PGA5: variants seen among roughly 807,000 people sequenced by gnomAD.
PGA5 encodes the protein pepsinogen A5.
Under a neutral mutation model 15.9 loss-of-function variants are expected in PGA5, and 19 were observed. The ratio of observed to expected loss-of-function variants is 1.19; its 90% CI spans 0.83 to 1.75. The LOEUF is 1.75. PGA5 is among the 40% of genes most tolerant of loss of function. PGA5 has a pLI of 0.00. For missense variants in PGA5, 224 were observed against 246.4 expected, an observed-to-expected ratio of 0.91 and a Z score of 0.61; for synonymous variants, 92 against 95.8, an observed-to-expected ratio of 0.96 and a Z score of 0.23.
At chr11:61,250,136 T>C in intron 8 of PGA5, 122 bp downstream of exon 8, 1 of 1,057,408 alleles carries the variant, frequency 9.5e-7, no homozygotes, top group Non-Finnish European at 1.4e-6. Flanking sequence ...CAGACGAACA[T>C]CTGCCCTAGA....
intron 5 of PGA5, among the ~76,000 whole-genome samples, chr11:61,246,789 AT>A (rs1854070772): frequency 2.6e-5 from 4 of 151,492 alleles, no homozygotes; most frequent in Non-Finnish European, 4.4e-5. Context: ...AAATAAATAA[AT>A]AAATAAATAA....
intron 5 of PGA5, among the ~76,000 whole-genome samples, chr11:61,247,225 G>T (rs779674246): frequency 6.6e-6 from 1 of 151,704 alleles, no homozygotes; most frequent in Non-Finnish European, 1.5e-5. Flanking sequence ...AAGGTGGGGT[G>T]GGTTCAGTGA....
rs1211675538 is a variant in PGA5, at chr11:61,249,737, C to T, written c.842C>T (p.Ser281Phe). The stretch of plus-strand genomic sequence containing the variant: ...CAGGCCATTGTTGACACCGGCACCT[C>T]TCTGCTGACCGGCCCAACCAGCCCC... ...GCQAIVDTGT[S>F]LLTGPTSPIA... Residue 281 changes from serine (S) to phenylalanine (F), a missense_variant, in exon 7 of 9, where the codon TCT (serine) becomes TTT (phenylalanine). Ser to Phe is a radical substitution (Grantham distance 155). Coordinates refer to ENST00000312403, the MANE Select transcript of PGA5 (RefSeq NM_014224.5). 1.2e-6 allele frequency: 2 copies of T among 1,613,518 alleles called. No individual in the cohort carries two copies. The highest frequency in any genetic ancestry group is 2.2e-5 in the East Asian group (1 of 44,886).
chr11:61,250,241 G>C (rs1198477672), intron 8 of PGA5, among the ~76,000 whole-genome samples: 1 of 151,276 alleles, frequency 6.6e-6, no homozygotes, highest in Non-Finnish European at 1.5e-5. Flanking sequence ...AAGGTTAATG[G>C]AGTGAAAAGA....
chr11:61,249,804 A>C lies in PGA5; in HGVS notation c.909A>C (p.Ser303=). 1 of 1,613,674 alleles carries C rather than the reference A, an allele frequency of 6.2e-7. No individual in the cohort carries two copies. Among genetic ancestry groups the C allele is most frequent in the East Asian group, 2.2e-5 (1 of 44,886 alleles). Residue 303 remains serine, a synonymous_variant, in exon 7 of 9, where the codon TCA becomes TCC. Coordinates refer to ENST00000312403, the MANE Select transcript of PGA5 (RefSeq NM_014224.5). The stretch of plus-strand genomic sequence containing the variant: ...GCGACATCGGAGCCAGCGAGAACTC[A>C]GATGGCGACGTGAGTCCAGCCCCGA... The part of the protein sequence containing the change: ...IQSDIGASEN[S]DGDMVVSCSA...
In PGA5 at chr11:61,249,034, C is replaced by T. The variant is rs138823486; in HGVS notation, c.773+499C>T. Among the ~76,000 whole-genome samples the T allele has an allele frequency of 3.5e-3, 540 of 152,224 alleles. 2 individuals carry two copies. The highest frequency in any genetic ancestry group is 4.4e-3 in the Non-Finnish European group (297 of 68,038). On this transcript the variant is annotated intron_variant, in intron 6 of 8. Transcript: ENST00000312403. The stretch of plus-strand genomic sequence containing the variant: ...TTCTACGCTGTTCTTCCCCAGCTAG[C>T]CTGCTAGCGTGCTCAGTGGTGTGGG...
At chr11:61,246,578 A>G (rs945581755) in intron 5 of PGA5, among the ~76,000 whole-genome samples, 7 of 151,846 alleles carry the variant, frequency 4.6e-5, no homozygotes, top group Non-Finnish European at 8.8e-5. Context: ...CCTGGCCAAC[A>G]TGGCAAAACC....
chr11:61,247,834 G>A (rs2510117), intron 5 of PGA5, among the ~76,000 whole-genome samples: 11 of 151,950 alleles, frequency 7.2e-5, no homozygotes, highest in East Asian at 3.9e-4. Context: ...TCTGGGCACT[G>A]TTAACATTTC....
chr11:61,250,041 G>C, intron 8 of PGA5, 27 bp downstream of exon 8: 1 of 1,604,368 alleles, frequency 6.2e-7, no homozygotes, highest in Non-Finnish European at 8.5e-7. Context: ...CCATCCACTA[G>C]AGAGGTTCAC....
At chr11:61,246,425 C>T (rs1854065546) in intron 5 of PGA5, among the ~76,000 whole-genome samples, 1 of 151,844 alleles carries the variant, frequency 6.6e-6, no homozygotes, top group Non-Finnish European at 1.5e-5. Context: ...CTTAGTGCCA[C>T]TTCCCTCACC....
At position 61,251,366 on chromosome 11, in the gene PGA5, C is replaced by A; in HGVS notation, c.*85C>A. The A allele has an allele frequency of 1.1e-5, 17 of 1,602,870 alleles. No individual in the cohort carries two copies. Among genetic ancestry groups the A allele is most frequent in the Non-Finnish European group, 1.4e-5 (16 of 1,174,530 alleles). ...GATGTATCTAATTCTCCTGACTGTT[C>A]TTCCCAGGGGAGTGTGAAGGTCTTG... On this transcript the variant is annotated 3_prime_UTR_variant, in exon 9 of 9. Transcript: ENST00000312403.
At position 61,250,044 on chromosome 11, in the gene PGA5, A is replaced by C. The variant is rs115305450; in HGVS notation, c.1017+30A>C. ...GGAGGCTCTGGACCATCCACTAGAGAGGTTCACACAGAATGTGGACACAGA... is the reference window on the plus strand; with the variant it reads ...GGAGGCTCTGGACCATCCACTAGAGCGGTTCACACAGAATGTGGACACAGA... On this transcript the variant is annotated intron_variant, in intron 8 of 8. Coordinates refer to ENST00000312403, the MANE Select transcript of PGA5 (RefSeq NM_014224.5). The C allele has an allele frequency of 3.1e-6, 5 of 1,593,730 alleles. No homozygotes were observed. In the East Asian group the frequency reaches 9.1e-5, roughly 29 times the overall value.
chr11:61,246,482 A>G lies in PGA5; in HGVS notation c.656+337A>G, dbSNP rs371362897. On this transcript the variant is annotated intron_variant, in intron 5 of 8. Transcript: ENST00000312403. ...TTAAAGTGAATACAGTTAGCCAGGC[A>G]TGGTGTCTCATGCCTGTAATCCCAG... is the stretch of plus-strand genomic sequence containing the variant. 2.6e-4 allele frequency among the ~76,000 whole-genome samples: 39 copies of G among 151,956 alleles called. 2 individuals carry two copies. Among genetic ancestry groups the G allele is most frequent in the Middle Eastern group, 3.4e-3 (1 of 294 alleles).
rs1283065517 is a variant in PGA5 at position 61,247,945 on chromosome 11, AC to A, written c.657-469del. Among the ~76,000 whole-genome samples the A allele has an allele frequency of 2.0e-5, 3 of 151,756 alleles. 1 individual carries two copies. The highest frequency in any genetic ancestry group is 7.3e-5 in the African/African-American group (3 of 41,136). On this transcript the variant is annotated intron_variant, in intron 5 of 8. Coordinates refer to ENST00000312403, the MANE Select transcript of PGA5 (RefSeq NM_014224.5). ...CCATGAGATGCCGGCAGCATCCCCTACCCCCACCCAATCATGACAATCCAAA... is the reference window on the plus strand; with the variant it reads ...CCATGAGATGCCGGCAGCATCCCCTACCCCACCCAATCATGACAATCCAAA...
intron 5 of PGA5, among the ~76,000 whole-genome samples, chr11:61,247,813 G>A (rs998767638): frequency 2.0e-4 from 31 of 152,072 alleles, no homozygotes; most frequent in African/African-American, 5.3e-4. Context: ...AGCCAGATCC[G>A]AGTTTCTCAA....
chr11:61,250,607 A>C, intron 8 of PGA5: 1 of 458,928 alleles, frequency 2.2e-6, no homozygotes, highest in Non-Finnish European at 4.4e-6. Context: ...TTATTCAACA[A>C]GAAGCACTGA....
At chr11:61,247,383 A>G (rs1854079497) in intron 5 of PGA5, among the ~76,000 whole-genome samples, 1 of 149,288 alleles carries the variant, frequency 6.7e-6, no homozygotes, top group African/African-American at 2.5e-5. Context: ...GGTTCATGCC[A>G]TTGTCTACCT....
Position 61,249,813 on chromosome 11 carries a change from C to T in PGA5, c.918C>T (p.Asp306=), listed in dbSNP as rs202236720. ...DIGASENSDG[D]MVVSCSAISS... ...GAGCCAGCGAGAACTCAGATGGCGA[C>T]GTGAGTCCAGCCCCGACTGCCCTGT... Residue 306 remains aspartate, a splice_region_variant and synonymous_variant, in exon 7 of 9, where the codon GAC becomes GAT. Transcript: ENST00000312403. 75 of 1,613,540 alleles carry T rather than the reference C, an allele frequency of 4.6e-5. 2 individuals are homozygous for T. Among genetic ancestry groups the T allele is most frequent in the Middle Eastern group, 1.6e-4 (1 of 6,078 alleles).
intron 6 of PGA5, 133 bp downstream of exon 6, chr11:61,248,668 G>C: frequency 6.4e-7 from 1 of 1,553,560 alleles, no homozygotes; most frequent in Admixed American, 1.8e-5. Flanking sequence ...CAGGGGGAAG[G>C]TGGAAGTTGG....
Sources: allele counts gnomAD v4.1 joint callset (sites outside exome capture counted in the v4.1 genomes callset), GRCh38; gene constraint gnomAD v4.1.1; transcripts MANE v1.5; gene names NCBI Gene and HGNC (gene_info 2026-07-23, HGNC 2026-07-21).